The following AFF4 variants were observed in gnomAD, a reference collection of about 807,000 sequenced individuals.
AFF4 encodes the protein ALF transcription elongation factor 4, also known as AF4/FMR2 family member 4.
A neutral mutation model predicts 124.8 loss-of-function variants in AFF4; 13 were observed. That is an observed-to-expected ratio of 0.10 (90% CI 0.07 to 0.17). AFF4 has a LOEUF of 0.17. AFF4 is among the 10% of genes least tolerant of loss of function. AFF4 has a pLI of 1.00. For synonymous variants in AFF4, 477 were observed against 496.1 expected (o/e 0.96, Z 0.51); for missense variants, 1,092 against 1,403.8 (o/e 0.78, Z 3.55).
intron 19 of AFF4, among the ~76,000 whole-genome samples, chr5:132,884,327 C>A (rs1386265724): frequency 6.6e-6 from 1 of 152,156 alleles, no homozygotes; most frequent in Non-Finnish European, 1.5e-5. Context: ...AACCTCCACG[C>A]CTCCCTGGTT....
rs894058345 is a variant in AFF4, at chr5:132,919,707, G to A, written c.1050+7414C>T. Among the ~76,000 whole-genome samples, 14 of 152,152 alleles carry A rather than the reference G, an allele frequency of 9.2e-5. 1 individual carries two copies. The highest frequency in any genetic ancestry group is 4.6e-4 in the Admixed American group (7 of 15,274). ...TCTACTAGAAATACAAAAATTAGCC[G>A]GGTGTGGTGGCATGCACTTGTAATT... On this transcript the variant is annotated intron_variant, in intron 5 of 20. Transcript: ENST00000265343.
At chr5:132,938,042 G>C (rs954329703) in intron 1 of AFF4, among the ~76,000 whole-genome samples, 1 of 151,540 alleles carries the variant, frequency 6.6e-6, no homozygotes, top group Non-Finnish European at 1.5e-5. Flanking sequence ...TGGCACTAGG[G>C]ATTACCAGGG....
chr5:132,925,224 G>A (rs1761142448), intron 5 of AFF4, among the ~76,000 whole-genome samples: 1 of 151,722 alleles, frequency 6.6e-6, no homozygotes, highest in Non-Finnish European at 1.5e-5. Flanking sequence ...GGTGCATTTT[G>A]TATATGTAAA....
Position 132,932,236 on chromosome 5 carries a change from G to A in AFF4, c.919-14C>T, listed in dbSNP as rs768181627. ...AGAAGCTGATGCCTTGAAAGAAAAA[G>A]CAGCACACATTAGATTTTTATCAGT... On this transcript the variant is annotated splice_polypyrimidine_tract_variant and intron_variant, in intron 3 of 20. Transcript: ENST00000265343. The A allele has an allele frequency of 2.5e-6, 4 of 1,602,390 alleles. No individual in the cohort carries two copies. The highest frequency in any genetic ancestry group is 1.1e-5 in the South Asian group (1 of 88,422).
At chr5:132,900,705 T>C (rs1020995237) in intron 7 of AFF4, among the ~76,000 whole-genome samples, 40 of 152,232 alleles carry the variant, frequency 2.6e-4, no homozygotes, top group African/African-American at 9.6e-4. Flanking sequence ...AAGATGTAAA[T>C]TTTCTTTTAA....
rs1760280207 is a variant in AFF4, at chr5:132,892,262, T to A, written c.2539A>T (p.Ser847Cys). The change falls in exon 13 of 21, where the codon AGC (serine) becomes TGC (cysteine). Residue 847 changes from serine to cysteine, a missense_variant. Physicochemically the swap from Ser to Cys is moderately radical, Grantham distance 112. This residue lies in a region of AFF4 where 293 missense variants were observed against 280.2 expected (regional missense o/e 1.05). Coordinates refer to ENST00000265343, the MANE Select transcript of AFF4 (RefSeq NM_014423.4). ...CTGCTGCCACTCGTCTCCTTGTTGCTGTTACTGCTTGACTTTAAGGAAGAA... is the reference window on the plus strand; with the variant it reads ...CTGCTGCCACTCGTCTCCTTGTTGCAGTTACTGCTTGACTTTAAGGAAGAA... Reference protein sequence around the residue: ...QSSSLKSSSNSNKETSGSSKN... With the variant: ...QSSSLKSSSNCNKETSGSSKN... 1 of 1,614,108 alleles carries A rather than the reference T, an allele frequency of 6.2e-7. No homozygotes were observed. Among genetic ancestry groups the A allele is most frequent in the East Asian group, 2.2e-5 (1 of 44,864 alleles).
rs1280785931 is a variant in AFF4, at chr5:132,878,551, A to G, written c.*2508T>C. 1 of 231,670 alleles carries G rather than the reference A, an allele frequency of 4.3e-6. No homozygotes were observed. The highest frequency in any genetic ancestry group is 8.6e-6 in the Non-Finnish European group (1 of 116,816). 14.4% of individuals were successfully genotyped at this position (231,670 alleles called of 1,614,324 possible). A position where few individuals can be genotyped will look rare whatever the true frequency, so the allele number is the denominator to read the frequency against. ...AGATGATGACAAAGACAGAACATCT[A>G]AGAAGATAGACATGGAGGAAAGGGA... is the stretch of plus-strand genomic sequence containing the variant. On this transcript the variant is annotated 3_prime_UTR_variant, in exon 21 of 21. Coordinates refer to ENST00000265343, the MANE Select transcript of AFF4 (RefSeq NM_014423.4).
At chr5:132,885,940 AT>A (rs1372959568) in intron 18 of AFF4, among the ~76,000 whole-genome samples, 1 of 151,980 alleles carries the variant, frequency 6.6e-6, no homozygotes, top group Non-Finnish European at 1.5e-5. Flanking sequence ...TGCCTGGCTA[AT>A]TTTTGTATAT....
intron 4 of AFF4, among the ~76,000 whole-genome samples, chr5:132,929,276 T>C (rs116777865): frequency 1.3e-4 from 20 of 152,164 alleles, no homozygotes; most frequent in Non-Finnish European, 2.5e-4. Context: ...AACTGAAAAT[T>C]TGATTTAATT....
chr5:132,914,600 C>CA (rs1277484764), intron 5 of AFF4, among the ~76,000 whole-genome samples: 1,674 of 128,304 alleles, frequency 0.013, 19 homozygotes, highest in African/African-American at 0.038. Flanking sequence ...GACTCCATTT[C>CA]AAAAAAAAAA....
Position 132,926,008 on chromosome 5 carries a change from C to A in AFF4, c.1050+1113G>T, listed in dbSNP as rs779519589. Among the ~76,000 whole-genome samples the A allele has an allele frequency of 4.3e-4, 65 of 152,000 alleles. 1 individual carries two copies. The highest frequency in any genetic ancestry group is 2.5e-4 in the Non-Finnish European group (17 of 68,002). On this transcript the variant is annotated intron_variant, in intron 5 of 20. Coordinates refer to ENST00000265343, the MANE Select transcript of AFF4 (RefSeq NM_014423.4). ...CAGCTTAAATACCAAAGAGAAATGG[C>A]TAAATAAACTAGGATATATTAACAC...
chr5:132,908,591 A>AT (rs1229985716), intron 5 of AFF4, among the ~76,000 whole-genome samples: 8 of 151,304 alleles, frequency 5.3e-5, no homozygotes, highest in Non-Finnish European at 1.2e-4. Context: ...CTGATTAGAA[A>AT]TTTTTTTTCA....
At chr5:132,884,868 C>A (rs932687070) in intron 19 of AFF4, among the ~76,000 whole-genome samples, 3 of 152,102 alleles carry the variant, frequency 2.0e-5, no homozygotes, top group African/African-American at 4.8e-5. Flanking sequence ...ACAGGTGAAA[C>A]GTCTCATATC....
chr5:132,892,908 G>T, intron 12 of AFF4, 122 bp downstream of exon 12: 1 of 868,628 alleles, frequency 1.2e-6, no homozygotes, highest in East Asian at 2.5e-5. Context: ...TATGTTATGT[G>T]TATGCATTTA....
Position 132,880,172 on chromosome 5 carries a change from TTAAG to T in AFF4, c.*883_*886del, listed in dbSNP as rs1201170999. 2.5e-6 allele frequency: 1 copy of T among 398,758 alleles called. No homozygotes were observed. Among genetic ancestry groups the T allele is most frequent in the African/African-American group, 2.1e-5 (1 of 48,638 alleles). 24.7% of individuals were successfully genotyped at this position (398,758 alleles called of 1,614,324 possible). A position where few individuals can be genotyped will look rare whatever the true frequency, so the allele number is the denominator to read the frequency against. On this transcript the variant is annotated 3_prime_UTR_variant, in exon 21 of 21. Transcript: ENST00000265343. ...TCCACAGTAACTTATTCTGTTTCGA[TTAAG>T]TGTCAAATGATTAGCAACAAAAAAT...
Position 132,897,020 on chromosome 5 carries a change from T to C in AFF4, c.1610A>G (p.Gln537Arg). ...ATPGRDSKTI[Q>R]KGSESGRGRQ... ...CCCACGCCCACTTTCTGATCCCTTT[T>C]GGATGGTTTTGGAGTCTCGTCCCGG... The change falls in exon 11 of 21, where the codon CAA becomes CGA. Residue 537 changes from glutamine to arginine, a missense_variant. Gln to Arg is a conservative substitution (Grantham distance 43). Around this residue, in one of 11 missense-constraint regions of AFF4, gnomAD observed 174 missense variants for 205.9 expected, o/e 0.84. Coordinates refer to ENST00000265343, the MANE Select transcript of AFF4 (RefSeq NM_014423.4). 6.2e-7 allele frequency: 1 copy of C among 1,614,228 alleles called. No homozygotes were observed. Among genetic ancestry groups the C allele is most frequent in the Non-Finnish European group, 8.5e-7 (1 of 1,180,044 alleles).
At chr5:132,932,526 A>G (rs376668532) in intron 3 of AFF4, among the ~76,000 whole-genome samples, 2 of 152,228 alleles carry the variant, frequency 1.3e-5, no homozygotes, top group African/African-American at 2.4e-5. Flanking sequence ...TTGTCTAAAA[A>G]TTTAATCTTA....
intron 1 of AFF4, among the ~76,000 whole-genome samples, chr5:132,958,161 C>CA (rs1379839390): frequency 2.0e-5 from 3 of 152,060 alleles, no homozygotes; most frequent in Non-Finnish European, 2.9e-5. Flanking sequence ...ACAACACTTA[C>CA]AGTCCTTCTT....
intron 5 of AFF4, among the ~76,000 whole-genome samples, chr5:132,911,837 T>TA (rs1760797739): frequency 7.4e-6 from 1 of 135,286 alleles, no homozygotes; most frequent in African/African-American, 2.8e-5. Context: ...AAAAAAAACT[T>TA]AAAGACCGCC....
Sources: allele counts gnomAD v4.1 joint callset (sites outside exome capture counted in the v4.1 genomes callset), GRCh38; gene constraint gnomAD v4.1.1; regional missense constraint gnomAD v4.1.1; transcripts MANE v1.5; gene names NCBI Gene and HGNC (gene_info 2026-07-23, HGNC 2026-07-21).